Variants in MTA3 observed in about 807,000 individuals in gnomAD.
The protein encoded by MTA3 is metastasis associated 1 family member 3.
Under a neutral mutation model 83.5 loss-of-function variants are expected in MTA3, and 34 were observed. The ratio of observed to expected loss-of-function variants is 0.41; its 90% confidence interval spans 0.31 to 0.54. MTA3 has a LOEUF of 0.54. MTA3 is among the 20% of genes least tolerant of loss of function. The pLI is 0.33. For synonymous variants in MTA3, 303 were observed against 252.7 expected, an observed-to-expected ratio of 1.20 and a Z score of -1.89; for missense variants, 761 against 726.4, an observed-to-expected ratio of 1.05 and a Z score of -0.55.
chr2:42,531,982 T>G (rs1170967638), intron 2 of MTA3, among the ~76,000 whole-genome samples: 1 of 152,126 alleles, frequency 6.6e-6, no homozygotes. Context: ...GGTCTCGATC[T>G]CCTGACCTCA....
At chr2:42,635,146 T>G (rs1299654334) in intron 4 of MTA3, among the ~76,000 whole-genome samples, 1 of 152,240 alleles carries the variant, frequency 6.6e-6, no homozygotes, top group Non-Finnish European at 1.5e-5. Context: ...TGTGCTATTC[T>G]GTTTTATGCG....
In MTA3 at chr2:42,583,126, G is replaced by A. The variant is rs113841375; in HGVS notation, c.190+3926G>A. ...TGTTGATGTGAGGATTATGACATAAGGAACAACTCATAATGGGTGTGTAGT... is the reference window on the plus strand; with the variant it reads ...TGTTGATGTGAGGATTATGACATAAAGAACAACTCATAATGGGTGTGTAGT... On this transcript the variant is annotated intron_variant, in intron 3 of 16. Coordinates refer to ENST00000405094, the MANE Select transcript of MTA3 (RefSeq NM_001330442.2). Among the ~76,000 whole-genome samples the A allele has an allele frequency of 9.9e-3, 1,511 of 152,260 alleles. 31 individuals carry two copies. Among genetic ancestry groups the A allele is most frequent in the African/African-American group, 0.035 (1,433 of 41,532 alleles).
chr2:42,540,170 ATTTTT>A (rs70963328), intron 2 of MTA3, among the ~76,000 whole-genome samples: 30 of 125,440 alleles, frequency 2.4e-4, no homozygotes, highest in Non-Finnish European at 1.1e-4. Flanking sequence ...AACTTTGTAG[ATTTTT>A]TTTTTTTTTT....
chr2:42,598,816 A>G (rs2103985510), intron 3 of MTA3, among the ~76,000 whole-genome samples: 1 of 152,338 alleles, frequency 6.6e-6, no homozygotes. Flanking sequence ...TAAGACATGC[A>G]GAAAACAGTA....
At chr2:42,679,863 ATTCTT>A (rs1388357233) in intron 8 of MTA3, among the ~76,000 whole-genome samples, 2 of 149,134 alleles carry the variant, frequency 1.3e-5, no homozygotes, top group African/African-American at 5.0e-5. Context: ...CCCACTTTGG[ATTCTT>A]TTCTTTAAGA....
At chr2:42,639,570 T>G (rs1029333463) in intron 4 of MTA3, among the ~76,000 whole-genome samples, 7 of 152,218 alleles carry the variant, frequency 4.6e-5, no homozygotes, top group Non-Finnish European at 1.0e-4. Context: ...CTGTCAGACC[T>G]CAAGGTCCGT....
chr2:42,558,301 G>A (rs1339352822), intron 2 of MTA3, among the ~76,000 whole-genome samples: 1 of 150,544 alleles, frequency 6.6e-6, no homozygotes, highest in African/African-American at 2.5e-5. Flanking sequence ...GAGTGCAATG[G>A]CATGATCTCG....
chr2:42,654,448 G>C (rs1292030517), intron 6 of MTA3, among the ~76,000 whole-genome samples: 1 of 152,194 alleles, frequency 6.6e-6, no homozygotes, highest in African/African-American at 2.4e-5. Context: ...TCATTAAAGA[G>C]CTTTTATTCT....
intron 2 of MTA3, among the ~76,000 whole-genome samples, chr2:42,504,174 T>C (rs138956048): frequency 0.014 from 2,095 of 152,008 alleles, 34 homozygotes; most frequent in African/African-American, 0.048. Flanking sequence ...AGGTGATCCA[T>C]CCGCCTTGGC....
chr2:42,696,721 A>C (rs1342761456), intron 10 of MTA3, among the ~76,000 whole-genome samples: 1 of 152,210 alleles, frequency 6.6e-6, no homozygotes, highest in East Asian at 1.9e-4. Context: ...CCTGGGCAAC[A>C]TAACAAGACC....
At chr2:42,635,501 A>T (rs1288542405) in intron 4 of MTA3, among the ~76,000 whole-genome samples, 1 of 152,032 alleles carries the variant, frequency 6.6e-6, no homozygotes, top group Non-Finnish European at 1.5e-5. Context: ...GATGGTGGGC[A>T]TCTGTAATCC....
At chr2:42,511,154 G>C (rs1271779917) in intron 2 of MTA3, among the ~76,000 whole-genome samples, 1 of 152,114 alleles carries the variant, frequency 6.6e-6, no homozygotes, top group Non-Finnish European at 1.5e-5. Flanking sequence ...GAAGTGTATG[G>C]CATTCCTGGA....
intron 3 of MTA3, among the ~76,000 whole-genome samples, chr2:42,601,857 TCCC>T (rs1240823049): frequency 6.6e-6 from 1 of 152,120 alleles, no homozygotes; most frequent in Non-Finnish European, 1.5e-5. Context: ...TTTTGTCTGA[TCCC>T]ATGGAGTCTT....
chr2:42,549,216 T>G (rs1262764962), intron 2 of MTA3, among the ~76,000 whole-genome samples: 1 of 136,330 alleles, frequency 7.3e-6, no homozygotes, highest in Admixed American at 8.7e-5. Flanking sequence ...TATATTATAT[T>G]TGTATATATT....
At chr2:42,739,422 T>C (rs916832581) in intron 16 of MTA3, among the ~76,000 whole-genome samples, 4 of 149,630 alleles carry the variant, frequency 2.7e-5, no homozygotes, top group Non-Finnish European at 4.4e-5. Context: ...GTATATACCT[T>C]AATTTTAAAA....
intron 4 of MTA3, among the ~76,000 whole-genome samples, chr2:42,616,066 GT>G (rs1305319720): frequency 1.3e-5 from 2 of 151,082 alleles, no homozygotes; most frequent in Non-Finnish European, 3.0e-5. Context: ...TCTCTTCTTT[GT>G]TTTTGTTTTT....
Position 42,753,430 on chromosome 2 carries a change from C to T in MTA3, c.*31C>T, listed in dbSNP as rs1029011047. 3.5e-5 allele frequency: 55 copies of T among 1,550,386 alleles called. No individual in the cohort carries two copies. The highest frequency in any genetic ancestry group is 4.6e-5 in the Non-Finnish European group (53 of 1,146,908). On this transcript the variant is annotated 3_prime_UTR_variant, in exon 17 of 17. Coordinates refer to ENST00000405094, the MANE Select transcript of MTA3 (RefSeq NM_001330442.2). ...CCCTGATTCATTCTACAATCCAAGA[C>T]TTGCTGCACTGTCCTGCTGATGTTC...
At chr2:42,671,214 T>G (rs1381130020) in intron 8 of MTA3, among the ~76,000 whole-genome samples, 1 of 152,180 alleles carries the variant, frequency 6.6e-6, no homozygotes, top group Non-Finnish European at 1.5e-5. Flanking sequence ...CTTAAGTCCA[T>G]TTTGGTCAGT....
intron 6 of MTA3, among the ~76,000 whole-genome samples, chr2:42,648,022 G>C (rs1002909800): frequency 4.6e-5 from 7 of 152,102 alleles, no homozygotes; most frequent in African/African-American, 1.4e-4. Flanking sequence ...TGTATTTTTA[G>C]CAGGGACAGG....
Sources: allele counts gnomAD v4.1 joint callset (sites outside exome capture counted in the v4.1 genomes callset), GRCh38; gene constraint gnomAD v4.1.1; transcripts MANE v1.5; gene names NCBI Gene and HGNC (gene_info 2026-07-23, HGNC 2026-07-21).